ANP32A: variants seen among roughly 807,000 people sequenced by gnomAD.
The protein encoded by ANP32A is acidic nuclear phosphoprotein 32 family member A, also known as acidic leucine-rich nuclear phosphoprotein 32 family member A.
Under a neutral mutation model 33.9 loss-of-function variants are expected in ANP32A, and 1 was observed. The ratio of observed to expected loss-of-function variants is 0.03; its 90% CI spans 0.01 to 0.14. The LOEUF (loss-of-function observed/expected upper bound fraction) is 0.14, where lower values mean the gene tolerates loss of function less well. Among genes scored for constraint, ANP32A ranks in the 10% least tolerant of loss-of-function variants. The probability of loss-of-function intolerance (pLI) is 1.00; values close to 1 mark genes in which losing one functional copy is unlikely to be tolerated. For synonymous variants in ANP32A, 115 were observed against 120.5 expected (o/e 0.95, Z 0.30); for missense variants, 155 against 306.0 (o/e 0.51, Z 3.68).
chr15:68,782,753 T>A (rs1281680481), intron 5 of ANP32A: 15 of 942,494 alleles, frequency 1.6e-5, no homozygotes, highest in Non-Finnish European at 2.3e-5. Context: ...CCTCTTCTAA[T>A]CCAGCCTCCC....
intron 1 of ANP32A, chr15:68,817,454 G>A (rs1346631098): frequency 6.6e-6 from 1 of 152,348 alleles, no homozygotes; most frequent in African/African-American, 2.4e-5. Flanking sequence ...CCGGGGAACA[G>A]GCTGCTGTCC....
At chr15:68,817,538 T>A (rs971070697) in intron 1 of ANP32A, 2 of 152,574 alleles carry the variant, frequency 1.3e-5, no homozygotes, top group South Asian at 2.1e-4. Context: ...TCATGTTTAA[T>A]GTTCCCCTTA....
Position 68,780,258 on chromosome 15 carries a change from C to G in ANP32A, c.689-116G>C. ...TAGCAAGCTGTGCCATCCTTGGAAA[C>G]CGAGGCAAGACATCTGCACAGCTGG... On this transcript the variant is annotated intron_variant, in intron 6 of 6. Transcript: ENST00000465139. The surrounding 1 kb of genome is among the most constrained non-coding windows in gnomAD (Gnocchi z 4.3). 6.4e-7 allele frequency: 1 copy of G among 1,562,060 alleles called. No individual in the cohort carries two copies. The highest frequency in any genetic ancestry group is 1.9e-5 in the Admixed American group (1 of 51,770).
chr15:68,816,404 A>G (rs1030744686), intron 1 of ANP32A, among the ~76,000 whole-genome samples: 1 of 152,224 alleles, frequency 6.6e-6, no homozygotes, highest in Non-Finnish European at 1.5e-5. Flanking sequence ...GATGATAATA[A>G]TAATACCTAC....
chr15:68,780,242 G>C lies in ANP32A; in HGVS notation c.689-100C>G. On this transcript the variant is annotated intron_variant, in intron 6 of 6. Transcript: ENST00000465139. This position sits in a 1 kb window ranked among gnomAD's most constrained non-coding sequence, Gnocchi z 4.3. ...TCAGGGGACCCATGACTAGCAAGCT[G>C]TGCCATCCTTGGAAACCGAGGCAAG... 1 of 1,570,558 alleles carries C rather than the reference G, an allele frequency of 6.4e-7. No individual in the cohort carries two copies. Among genetic ancestry groups the C allele is most frequent in the South Asian group, 1.1e-5 (1 of 87,304 alleles).
intron 1 of ANP32A, among the ~76,000 whole-genome samples, chr15:68,788,229 C>G (rs1199512087): frequency 6.6e-6 from 1 of 152,180 alleles, no homozygotes; most frequent in Non-Finnish European, 1.5e-5. Flanking sequence ...AGCCCTGCTG[C>G]CTCTGCAAGG....
In ANP32A at chr15:68,820,841, A is replaced by T; in HGVS notation, c.-90T>A. 6.7e-7 allele frequency: 1 copy of T among 1,499,140 alleles called. No individual in the cohort carries two copies. The highest frequency in any genetic ancestry group is 9.2e-7 in the Non-Finnish European group (1 of 1,082,700). 92.9% of individuals were successfully genotyped at this position (1,499,140 alleles called of 1,614,324 possible). ...CACGGCCGCGCGTTTTAGGACTTTG[A>T]AGGCTCAACCAGCTCCGCTCGGTTC... is the stretch of plus-strand genomic sequence containing the variant. On this transcript the variant is annotated 5_prime_UTR_variant, in exon 1 of 7. Transcript: ENST00000465139.
At chr15:68,793,260 C>G (rs1490322262) in intron 1 of ANP32A, among the ~76,000 whole-genome samples, 1 of 152,204 alleles carries the variant, frequency 6.6e-6, no homozygotes, top group Admixed American at 6.5e-5. Flanking sequence ...AGAGGTGAGT[C>G]AAACTGTCAT....
At chr15:68,787,725 T>TGC in intron 2 of ANP32A, 45 bp downstream of exon 2, 20 of 1,597,624 alleles carry the variant, frequency 1.3e-5, no homozygotes, top group African/African-American at 2.7e-5. Flanking sequence ...CCCTTCCCAC[T>TGC]CCCCACCCCC....
chr15:68,799,897 G>A (rs745686847), intron 1 of ANP32A, among the ~76,000 whole-genome samples: 2 of 152,174 alleles, frequency 1.3e-5, no homozygotes, highest in Admixed American at 6.5e-5. Flanking sequence ...TGTCATGTAC[G>A]TTTATTGTGT....
chr15:68,787,281 T>A, intron 3 of ANP32A, 132 bp downstream of exon 3: 1 of 1,310,470 alleles, frequency 7.6e-7, no homozygotes, highest in Non-Finnish European at 1.1e-6. Context: ...AATAGCTCAA[T>A]TCTATCTCAT....
chr15:68,820,430 C>A (rs1894456697), intron 1 of ANP32A, among the ~76,000 whole-genome samples: 1 of 152,082 alleles, frequency 6.6e-6, no homozygotes, highest in Non-Finnish European at 1.5e-5. Context: ...GGTGCACACT[C>A]GCACGCACAC....
chr15:68,784,182 AC>A lies in ANP32A; in HGVS notation c.526+214del, dbSNP rs780430285. On this transcript the variant is annotated intron_variant, in intron 4 of 6. Transcript: ENST00000465139. The stretch of plus-strand genomic sequence containing the variant: ...ATGCTTTGTTCTTTTAGGGAAGTCA[AC>A]CAATGAGACAGATTAGGGACTATGG... 195 of 599,960 alleles carry A rather than the reference AC, an allele frequency of 3.3e-4. 1 individual carries two copies. The highest frequency in any genetic ancestry group is 5.0e-4 in the Non-Finnish European group (168 of 338,134). The allele number at this position is 599,960 out of a possible 1,614,324, so 37.2% of individuals were successfully genotyped here. A position where few individuals can be genotyped will look rare whatever the true frequency, so the allele number is the denominator to read the frequency against.
chr15:68,786,265 T>A (rs897743243), intron 3 of ANP32A, among the ~76,000 whole-genome samples: 422 of 145,856 alleles, frequency 2.9e-3, no homozygotes, highest in Middle Eastern at 6.9e-3. Flanking sequence ...TTTTTTTTTT[T>A]TTTTTTTTTT....
chr15:68,812,109 A>G (rs1289781931), intron 1 of ANP32A, among the ~76,000 whole-genome samples: 1 of 151,994 alleles, frequency 6.6e-6, no homozygotes, highest in African/African-American at 2.4e-5. Context: ...AACAGCTAAC[A>G]TTTCTTGAGA....
chr15:68,782,038 C>T (rs750697960), intron 5 of ANP32A, among the ~76,000 whole-genome samples: 1 of 152,162 alleles, frequency 6.6e-6, no homozygotes, highest in Non-Finnish European at 1.5e-5. Flanking sequence ...CAGGAAACTG[C>T]GGGGGGAGTT....
At chr15:68,818,729 G>A (rs944669895) in intron 1 of ANP32A, among the ~76,000 whole-genome samples, 30 of 151,368 alleles carry the variant, frequency 2.0e-4, no homozygotes, top group African/African-American at 7.0e-4. Context: ...CCGCGCCCCC[G>A]CACCCACCCG....
At chr15:68,782,562 C>T (rs543313624) in intron 5 of ANP32A, among the ~76,000 whole-genome samples, 7 of 152,286 alleles carry the variant, frequency 4.6e-5, no homozygotes, top group African/African-American at 1.4e-4. Flanking sequence ...ATCCTGCTAC[C>T]TATCAGTTCA....
intron 1 of ANP32A, among the ~76,000 whole-genome samples, chr15:68,807,938 C>T (rs1160061959): frequency 2.6e-5 from 4 of 152,172 alleles, no homozygotes; most frequent in African/African-American, 9.7e-5. Flanking sequence ...TTGACACTCC[C>T]AGGAGCAGCA....
Sources: allele counts gnomAD v4.1 joint callset (sites outside exome capture counted in the v4.1 genomes callset), GRCh38; gene constraint gnomAD v4.1.1; non-coding constraint Gnocchi (gnomAD v3.1); transcripts MANE v1.5; gene names NCBI Gene and HGNC (gene_info 2026-07-23, HGNC 2026-07-21).